The following BAHCC1 variants were observed in gnomAD, a reference collection of about 807,000 sequenced individuals.
BAHCC1 encodes BAH domain and coiled-coil containing 1.
Under a neutral mutation model 88.2 loss-of-function variants are expected in BAHCC1, and 43 were observed. That is an observed-to-expected ratio of 0.49 (90% CI 0.38 to 0.63). The LOEUF (loss-of-function observed/expected upper bound fraction) is 0.63. BAHCC1 is among the 20% of genes least tolerant of loss of function. The pLI, the probability that BAHCC1 is intolerant of heterozygous loss-of-function variation, is 0.00. For missense variants in BAHCC1, 3,023 were observed against 1,654.8 expected (o/e 1.83, Z -14.34); for synonymous variants, 1,510 against 745.5 (o/e 2.03, Z -16.71).
chr17:81,397,444 C>T (rs1199051917), intron 1 of BAHCC1, among the ~76,000 whole-genome samples: 3 of 151,846 alleles, frequency 2.0e-5, no homozygotes. Flanking sequence ...GCACACACGA[C>T]TCCCTGGAGG....
At chr17:81,423,449 C>G (rs561095600) in intron 2 of BAHCC1, among the ~76,000 whole-genome samples, 58 of 152,328 alleles carry the variant, frequency 3.8e-4, no homozygotes, top group Non-Finnish European at 7.1e-4. Flanking sequence ...TCACAAATTC[C>G]CCCTGCCTCC....
Position 81,441,826 on chromosome 17 carries a change from C to A in BAHCC1, c.482-5C>A. 1.6e-6 allele frequency: 1 copy of A among 638,820 alleles called. No individual in the cohort carries two copies. The highest frequency in any genetic ancestry group is 2.9e-6 in the Non-Finnish European group (1 of 347,034). The allele number at this position is 638,820 out of a possible 1,614,324, so 39.6% of individuals were successfully genotyped here. On this transcript the variant is annotated splice_polypyrimidine_tract_variant and splice_region_variant and intron_variant, in intron 4 of 27. Transcript: ENST00000675386. ...TCCCATTGACCTTGGCTCTTTCCCA[C>A]ACAGATAACTTCTACCTGCGCAACC...
chr17:81,431,920 C>T (rs1472622271), intron 3 of BAHCC1, among the ~76,000 whole-genome samples: 3 of 152,176 alleles, frequency 2.0e-5, no homozygotes, highest in Admixed American at 2.0e-4. Flanking sequence ...AGGCTGCACC[C>T]GAGCCCCTGC....
chr17:81,422,039 T>C, intron 2 of BAHCC1: 1 of 292,922 alleles, frequency 3.4e-6, no homozygotes, highest in African/African-American at 2.3e-5. Flanking sequence ...GGAGGCGGAG[T>C]CGCACTTTGT....
intron 3 of BAHCC1, among the ~76,000 whole-genome samples, chr17:81,433,612 T>G (rs1438319769): frequency 1.0e-5 from 1 of 98,094 alleles, no homozygotes; most frequent in Non-Finnish European, 2.1e-5. Context: ...TCAGGGCAGG[T>G]GTCATCAGTC....
At chr17:81,424,715 G>A (rs1327798422) in intron 2 of BAHCC1, among the ~76,000 whole-genome samples, 1 of 151,204 alleles carries the variant, frequency 6.6e-6, no homozygotes, top group East Asian at 2.0e-4. Flanking sequence ...ATGATAATGT[G>A]GTTGGTGTTG....
chr17:81,402,937 A>G (rs1180042393), intron 2 of BAHCC1: 1 of 152,264 alleles, frequency 6.6e-6, no homozygotes, highest in African/African-American at 2.4e-5. Flanking sequence ...CTGTTCCAGT[A>G]ACCTTGTCAC....
At chr17:81,398,060 T>A (rs1375293112) in intron 1 of BAHCC1, among the ~76,000 whole-genome samples, 1 of 152,216 alleles carries the variant, frequency 6.6e-6, no homozygotes, top group Non-Finnish European at 1.5e-5. Flanking sequence ...TCTTAATCGC[T>A]TTGTTGTCAT....
rs782782795 is a variant in BAHCC1, at chr17:81,445,441, C to G, written c.2923C>G (p.Pro975Ala). The G allele has an allele frequency of 5.2e-6, 4 of 770,138 alleles. No homozygotes were observed. The African/African-American group carries it at 6.8e-5, about 13-fold the overall frequency. 47.7% of individuals were successfully genotyped at this position (770,138 alleles called of 1,614,324 possible). Residue 975 changes from proline to alanine, a missense_variant, in exon 10 of 28, where the codon CCC becomes GCC. By Grantham distance (27) the Pro-to-Ala change is conservative (BLOSUM62 -1). Coordinates refer to ENST00000675386, the MANE Select transcript of BAHCC1 (RefSeq NM_001377448.1). ...CACCCACAAGCCAGTTGCCTTAACC[C>G]CCACGGCCCCGGGCGCCCCCTCACC... ...KSTHKPVALT[P>A]TAPGAPSPAA...
rs367826025 is a variant in BAHCC1 at position 81,445,674 on chromosome 17, C to T, written c.3156C>T (p.Ser1052=). The T allele has an allele frequency of 8.2e-6, 6 of 728,600 alleles. No homozygotes were observed. Among genetic ancestry groups the T allele is most frequent in the African/African-American group, 3.5e-5 (2 of 57,686 alleles). 45.1% of individuals were successfully genotyped at this position (728,600 alleles called of 1,614,324 possible). A position where few individuals can be genotyped will look rare whatever the true frequency, so the allele number is the denominator to read the frequency against. The change falls in exon 10 of 28, where the codon TCC becomes TCT. Residue 1052 remains serine, a synonymous_variant. Transcript: ENST00000675386. ...AGTCCACGGCCGACATCATCACATC[C>T]GAACCAGGTGAGAGTAGCCGCCTGG... The part of the protein sequence containing the change: ...GQQSTADIIT[S]EPDLPPGYLR...
intron 11 of BAHCC1, among the ~76,000 whole-genome samples, chr17:81,448,535 A>G (rs543630427): frequency 6.6e-6 from 1 of 152,292 alleles, no homozygotes; most frequent in East Asian, 1.9e-4. Context: ...TGTGGGCCCC[A>G]GAGAAAGCCC....
chr17:81,444,281 G>C, intron 6 of BAHCC1, 100 bp from the exon 7 acceptor site: 1 of 649,842 alleles, frequency 1.5e-6, no homozygotes, highest in Non-Finnish European at 2.8e-6. Flanking sequence ...ACCGTTGGTG[G>C]GGCTGAGCCC....
At chr17:81,438,259 C>A in intron 3 of BAHCC1, 111 bp from the exon 4 acceptor site, 1 of 703,392 alleles carries the variant, frequency 1.4e-6, no homozygotes, top group Non-Finnish European at 2.6e-6. Context: ...CTGGGCTCTG[C>A]GGGACATCGC....
chr17:81,420,937 C>T (rs1446654251), intron 2 of BAHCC1, among the ~76,000 whole-genome samples: 1 of 152,238 alleles, frequency 6.6e-6, no homozygotes, highest in Admixed American at 6.5e-5. Context: ...CCGTGTTCAG[C>T]CCCCAGCGGA....
At chr17:81,463,531 T>C in intron 27 of BAHCC1, 80 bp from the exon 28 acceptor site, 1 of 753,350 alleles carries the variant, frequency 1.3e-6, no homozygotes, top group South Asian at 1.4e-5. Context: ...AGAGCATGGG[T>C]GGGCGGGTGG....
rs1229300615 is a variant in BAHCC1 at position 81,461,529 on chromosome 17, ACAGCTCCTT to A, written c.6868_6876del (p.Ser2291_Ser2293del). 7 of 736,880 alleles carry A rather than the reference ACAGCTCCTT, an allele frequency of 9.5e-6. No homozygotes were observed. The highest frequency in any genetic ancestry group is 1.8e-5 in the Non-Finnish European group (7 of 396,012). 45.6% of individuals were successfully genotyped at this position (736,880 alleles called of 1,614,324 possible). Reference sequence around the variant, plus strand: ...CCGCTGCCCTACGACAGCGACTGCCACAGCTCCTTCTCGGACGAGGACGAGGACGGGCCG... The same window carrying A: ...CCGCTGCCCTACGACAGCGACTGCCACTCGGACGAGGACGAGGACGGGCCG... On this transcript the variant is annotated inframe_deletion, in exon 26 of 28. Transcript: ENST00000675386.
intron 2 of BAHCC1, among the ~76,000 whole-genome samples, chr17:81,410,396 C>T (rs1267460089): frequency 6.6e-6 from 1 of 152,214 alleles, no homozygotes; most frequent in Non-Finnish European, 1.5e-5. Context: ...CTTAGTCTGG[C>T]CGTAGAACTA....
chr17:81,396,408 T>C (rs1555644915), intron 1 of BAHCC1: 3 of 150,728 alleles, frequency 2.0e-5, no homozygotes. Context: ...TGTGGCGGGG[T>C]CCGCGGGCTG....
rs1384367411 is a variant in BAHCC1, at chr17:81,465,214, C to G, written c.*1397C>G. The G allele has an allele frequency of 6.6e-6, 1 of 152,334 alleles. No individual in the cohort carries two copies. Among genetic ancestry groups the G allele is most frequent in the Non-Finnish European group, 1.5e-5 (1 of 68,106 alleles). The allele number at this position is 152,334 out of a possible 1,614,324, so 9.4% of individuals were successfully genotyped here. A position where few individuals can be genotyped will look rare whatever the true frequency, so the allele number is the denominator to read the frequency against. Reference sequence around the variant, plus strand: ...TTCCACCAGCCAAATCTGCCTGGCCCTCGGACCCCTCTGCCTGCCCCAACC... The same window carrying G: ...TTCCACCAGCCAAATCTGCCTGGCCGTCGGACCCCTCTGCCTGCCCCAACC... On this transcript the variant is annotated 3_prime_UTR_variant, in exon 28 of 28. Transcript: ENST00000675386.
Sources: allele counts gnomAD v4.1 joint callset (sites outside exome capture counted in the v4.1 genomes callset), GRCh38; gene constraint gnomAD v4.1.1; transcripts MANE v1.5; gene names NCBI Gene and HGNC (gene_info 2026-07-23, HGNC 2026-07-21).